PKP2: variants seen among roughly 807,000 people sequenced by gnomAD.
The protein encoded by PKP2 is plakophilin-2.
PKP2 carries 73 observed loss-of-function variants against 83.4 expected under a neutral mutation model. The observed-to-expected ratio is 0.88, with a 90% CI of 0.72 to 1.06. The LOEUF (loss-of-function observed/expected upper bound fraction) is 1.06. Among genes scored for constraint, PKP2 ranks in the 50% least tolerant of loss-of-function variants. The pLI, the probability that PKP2 is intolerant of heterozygous loss-of-function variation, is 0.00. For missense variants in PKP2, 966 were observed against 1,065.4 expected (o/e 0.91, Z 1.30); for synonymous variants, 409 against 430.4 (o/e 0.95, Z 0.62).
intron 7 of PKP2, among the ~76,000 whole-genome samples, chr12:32,823,050 C>G (rs372806579): frequency 6.6e-6 from 1 of 152,122 alleles, no homozygotes; most frequent in African/African-American, 2.4e-5. Context: ...GAACTGAAAG[C>G]CTTTTCAGAG....
chr12:32,843,245 T>G, intron 5 of PKP2: 1 of 1,002,814 alleles, frequency 1.0e-6, no homozygotes, highest in Non-Finnish European at 1.4e-6. Flanking sequence ...CCTCCCAAAG[T>G]GCTGGGATTA....
intron 4 of PKP2, among the ~76,000 whole-genome samples, chr12:32,853,967 T>A (rs1956723405): frequency 6.6e-6 from 1 of 152,216 alleles, no homozygotes; most frequent in Admixed American, 6.5e-5. Context: ...TATAAGTTCA[T>A]AATATACATT....
At chr12:32,892,594 G>A (rs1186932096) in intron 1 of PKP2, among the ~76,000 whole-genome samples, 4 of 152,080 alleles carry the variant, frequency 2.6e-5, no homozygotes, top group Admixed American at 2.6e-4. Context: ...GAGACTACAG[G>A]CATGAGTCAC....
rs561318379 is a variant in PKP2 at position 32,817,402 on chromosome 12, T to C, written c.2013+3954A>G. ...AATTTATAACTGTTAGCTATTTCAA[T>C]GTTATCTTTCGTCTATTAAGTCTCT... On this transcript the variant is annotated intron_variant, in intron 9 of 12. Transcript: ENST00000340811. Among the ~76,000 whole-genome samples, 3 of 152,352 alleles carry C rather than the reference T, an allele frequency of 2.0e-5. 1 individual carries two copies. The South Asian group carries it at 6.2e-4, about 32-fold the overall frequency.
chr12:32,883,171 A>T (rs1176417124), intron 1 of PKP2, among the ~76,000 whole-genome samples: 1 of 152,220 alleles, frequency 6.6e-6, no homozygotes, highest in Non-Finnish European at 1.5e-5. Context: ...TTTTTAAATC[A>T]CAGACACTCT....
intron 4 of PKP2, among the ~76,000 whole-genome samples, chr12:32,851,351 C>T (rs149620943): frequency 4.6e-4 from 70 of 152,074 alleles, no homozygotes; most frequent in Non-Finnish European, 8.7e-4. Context: ...TCCAAAATTA[C>T]GTAAGTTTTT....
At position 32,869,602 on chromosome 12, in the gene PKP2, A is replaced by G. The variant is rs1284317186; in HGVS notation, c.1035-540T>C. Among the ~76,000 whole-genome samples the G allele has an allele frequency of 2.0e-5, 3 of 151,674 alleles. No individual in the cohort carries two copies. In the East Asian group the frequency reaches 5.8e-4, roughly 29 times the overall value. On this transcript the variant is annotated intron_variant, in intron 3 of 12. Coordinates refer to ENST00000340811, the MANE Select transcript of PKP2 (RefSeq NM_001005242.3). ...AGGAAAAACGAGACTGCATCTCAAA[A>G]AAAAAAAAAAGAAAGAAAAAAGATA...
At chr12:32,840,082 C>A (rs1956576331) in intron 6 of PKP2, among the ~76,000 whole-genome samples, 1 of 152,168 alleles carries the variant, frequency 6.6e-6, no homozygotes, top group Non-Finnish European at 1.5e-5. Context: ...GTCAGAATCA[C>A]CTAGAGGCTT....
At chr12:32,888,270 G>A (rs1179977067) in intron 1 of PKP2, among the ~76,000 whole-genome samples, 5 of 152,114 alleles carry the variant, frequency 3.3e-5, no homozygotes, top group Non-Finnish European at 7.4e-5. Context: ...GAGACTTTAA[G>A]ACTTGTAAGA....
rs182780751 is a variant in PKP2, at chr12:32,808,621, C to T, written c.2014-6065G>A. ...AGAGGCACTCTGTCTTTTTGAGTTTCAGCGTTTTTGCATTGATTCTTTCTC... is the reference window on the plus strand; with the variant it reads ...AGAGGCACTCTGTCTTTTTGAGTTTTAGCGTTTTTGCATTGATTCTTTCTC... On this transcript the variant is annotated intron_variant, in intron 9 of 12. Coordinates refer to ENST00000340811, the MANE Select transcript of PKP2 (RefSeq NM_001005242.3). 3.2e-4 allele frequency among the ~76,000 whole-genome samples: 49 copies of T among 152,314 alleles called. 1 individual carries two copies. The highest frequency in any genetic ancestry group is 2.9e-3 in the Admixed American group (45 of 15,300).
intron 5 of PKP2, among the ~76,000 whole-genome samples, chr12:32,845,460 G>A (rs909323032): frequency 6.6e-6 from 1 of 152,174 alleles, no homozygotes; most frequent in African/African-American, 2.4e-5. Flanking sequence ...GCTGAGGCAG[G>A]AGAATGGCGT....
At chr12:32,880,595 GGTCTA>G in intron 1 of PKP2, among the ~76,000 whole-genome samples, 1 of 152,060 alleles carries the variant, frequency 6.6e-6, no homozygotes, top group Non-Finnish European at 1.5e-5. Context: ...TTTGTTTGGT[GGTCTA>G]ATAGCCAGCC....
At chr12:32,803,710 T>C (rs1332536402) in intron 9 of PKP2, among the ~76,000 whole-genome samples, 1 of 152,240 alleles carries the variant, frequency 6.6e-6, no homozygotes, top group East Asian at 1.9e-4. Flanking sequence ...TATAATGAAA[T>C]ATCTTGGGGA....
At chr12:32,825,030 C>T (rs1956422470) in intron 6 of PKP2, among the ~76,000 whole-genome samples, 1 of 151,566 alleles carries the variant, frequency 6.6e-6, no homozygotes, top group South Asian at 2.1e-4. Flanking sequence ...TTTTTTTTTC[C>T]AAAAATGTCA....
At position 32,851,618 on chromosome 12, in the gene PKP2, G is replaced by A. The variant is rs1956697239; in HGVS notation, c.1171-645C>T. On this transcript the variant is annotated intron_variant, in intron 4 of 12. Coordinates refer to ENST00000340811, the MANE Select transcript of PKP2 (RefSeq NM_001005242.3). ...TGGGTAGCTGGGACTACAGGCGCCC[G>A]CCACCACGCCCAGCTAATTTTTTGT... Among the ~76,000 whole-genome samples, 7 of 152,132 alleles carry A rather than the reference G, an allele frequency of 4.6e-5. No homozygotes were observed. The South Asian group carries it at 1.5e-3, about 32-fold the overall frequency.
At chr12:32,838,390 T>C (rs566955833) in intron 6 of PKP2, among the ~76,000 whole-genome samples, 2 of 152,230 alleles carry the variant, frequency 1.3e-5, no homozygotes, top group South Asian at 2.1e-4. Flanking sequence ...AGTTCACTAT[T>C]TGAGTGATCG....
At chr12:32,840,588 C>G (rs188638427) in intron 6 of PKP2, among the ~76,000 whole-genome samples, 1 of 152,130 alleles carries the variant, frequency 6.6e-6, no homozygotes, top group Admixed American at 6.6e-5. Context: ...TGTGAGCCAC[C>G]GCACCCAGCC....
At chr12:32,803,906 G>C (rs1473685555) in intron 9 of PKP2, among the ~76,000 whole-genome samples, 1 of 152,088 alleles carries the variant, frequency 6.6e-6, no homozygotes, top group Non-Finnish European at 1.5e-5. Flanking sequence ...TGGTTGTTTG[G>C]CATCACCATT....
At chr12:32,851,999 G>A (rs1218078944) in intron 4 of PKP2, among the ~76,000 whole-genome samples, 1 of 152,182 alleles carries the variant, frequency 6.6e-6, no homozygotes, top group Non-Finnish European at 1.5e-5. Flanking sequence ...TCTAAGCAGG[G>A]AGATTTTCTG....
Sources: allele counts gnomAD v4.1 joint callset (sites outside exome capture counted in the v4.1 genomes callset), GRCh38; gene constraint gnomAD v4.1.1; transcripts MANE v1.5; gene names NCBI Gene and HGNC (gene_info 2026-07-23, HGNC 2026-07-21).